The following HDAC5 variants were observed in gnomAD, a reference collection of about 807,000 sequenced individuals.
HDAC5 encodes histone deacetylase 5.
HDAC5 carries 25 observed loss-of-function variants against 133.3 expected under a neutral mutation model. The ratio of observed to expected loss-of-function variants is 0.19; its 90% CI spans 0.14 to 0.26. The LOEUF is 0.26. Among genes scored for constraint, HDAC5 ranks in the 10% least tolerant of loss-of-function variants. The probability of loss-of-function intolerance (pLI) is 1.00; values close to 1 mark genes in which losing one functional copy is unlikely to be tolerated. For synonymous variants in HDAC5, 589 were observed against 610.8 expected (o/e 0.96, Z 0.53); for missense variants, 1,041 against 1,460.5 (o/e 0.71, Z 4.68).
At chr17:44,088,720 A>C in intron 11 of HDAC5, 122 bp from the exon 12 acceptor site, 2 of 1,363,148 alleles carry the variant, frequency 1.5e-6, no homozygotes, top group Non-Finnish European at 1.9e-6. Flanking sequence ...CTCAGGAAAA[A>C]CCCTGGGGGA....
At chr17:44,119,012 C>T (rs1390689506) in intron 1 of HDAC5, among the ~76,000 whole-genome samples, 1 of 152,204 alleles carries the variant, frequency 6.6e-6, no homozygotes, top group Non-Finnish European at 1.5e-5. Flanking sequence ...ACACACGAGA[C>T]CCTGAGGTCC....
intron 3 of HDAC5, among the ~76,000 whole-genome samples, chr17:44,108,033 T>C (rs911454586): frequency 6.6e-6 from 1 of 151,682 alleles, no homozygotes; most frequent in African/African-American, 2.4e-5. Flanking sequence ...CATACTAGAG[T>C]TCAAACTCCC....
At chr17:44,086,994 G>A (rs1417584094) in intron 13 of HDAC5, among the ~76,000 whole-genome samples, 1 of 147,168 alleles carries the variant, frequency 6.8e-6, no homozygotes, top group Non-Finnish European at 1.5e-5. Context: ...GGCGGGGGCG[G>A]GGTGGGGGCG....
In HDAC5 at chr17:44,077,863, G is replaced by A. The variant is rs1002451371; in HGVS notation, c.*513C>T. The A allele has an allele frequency of 1.3e-5, 2 of 153,406 alleles. No homozygotes were observed. The highest frequency in any genetic ancestry group is 4.8e-5 in the African/African-American group (2 of 41,498). The allele number at this position is 153,406 out of a possible 1,614,324, so 9.5% of individuals were successfully genotyped here. ...ATGGTGAGGACGAAAGAAGGGGAAA[G>A]GGTGGAGAATCGCAGGGTGGGTGCC... is the stretch of plus-strand genomic sequence containing the variant. On this transcript the variant is annotated 3_prime_UTR_variant, in exon 27 of 27. Coordinates refer to ENST00000682912, the MANE Select transcript of HDAC5 (RefSeq NM_005474.5).
chr17:44,078,154 G>A lies in HDAC5; in HGVS notation c.*222C>T. 2.2e-6 allele frequency: 1 copy of A among 453,734 alleles called. No homozygotes were observed. The highest frequency in any genetic ancestry group is 3.9e-6 in the Non-Finnish European group (1 of 258,442). 28.1% of individuals were successfully genotyped at this position (453,734 alleles called of 1,614,324 possible). A position where few individuals can be genotyped will look rare whatever the true frequency, so the allele number is the denominator to read the frequency against. ...GGAAAATGGGGGGAGGGACACATGG[G>A]ACAGGGCTGGGAAGACACCACCACC... is the stretch of plus-strand genomic sequence containing the variant. On this transcript the variant is annotated 3_prime_UTR_variant, in exon 27 of 27. Coordinates refer to ENST00000682912, the MANE Select transcript of HDAC5 (RefSeq NM_005474.5).
At chr17:44,079,897 T>C (rs2050310463) in intron 23 of HDAC5, among the ~76,000 whole-genome samples, 1 of 152,074 alleles carries the variant, frequency 6.6e-6, no homozygotes, top group African/African-American at 2.4e-5. Context: ...ACATCCTCTA[T>C]CCTCTGCTAC....
intron 2 of HDAC5, among the ~76,000 whole-genome samples, chr17:44,115,138 T>G (rs1325809316): frequency 6.6e-6 from 1 of 152,294 alleles, no homozygotes; most frequent in East Asian, 1.9e-4. Context: ...AGCCTGTTGG[T>G]GATACTCAGT....
intron 11 of HDAC5, among the ~76,000 whole-genome samples, chr17:44,089,511 A>G (rs2050826579): frequency 6.6e-6 from 1 of 152,092 alleles, no homozygotes; most frequent in African/African-American, 2.4e-5. Context: ...TTGGGAGGCC[A>G]AGGCGGGTGG....
intron 1 of HDAC5, among the ~76,000 whole-genome samples, chr17:44,119,792 C>T (rs1420754818): frequency 2.0e-5 from 3 of 152,174 alleles, no homozygotes; most frequent in Non-Finnish European, 4.4e-5. Flanking sequence ...ATGTTTAAAA[C>T]CTGAGCTGTT....
rs144335990 is a variant in HDAC5 at position 44,108,793 on chromosome 17, C to T, written c.94+1936G>A. Among the ~76,000 whole-genome samples the T allele has an allele frequency of 4.6e-5, 7 of 150,942 alleles. No homozygotes were observed. The South Asian group carries it at 6.3e-4, about 14-fold the overall frequency. On this transcript the variant is annotated intron_variant, in intron 3 of 26. Coordinates refer to ENST00000682912, the MANE Select transcript of HDAC5 (RefSeq NM_005474.5). ...AAAAACAAAAAAAAAACAAGGCTGCCGAGCTCCAGGCCTATATCTGTCCCT... is the reference window on the plus strand; with the variant it reads ...AAAAACAAAAAAAAAACAAGGCTGCTGAGCTCCAGGCCTATATCTGTCCCT...
chr17:44,111,045 A>G, intron 2 of HDAC5: 1 of 533,962 alleles, frequency 1.9e-6, no homozygotes, highest in Non-Finnish European at 3.4e-6. Context: ...GGGAGGCCCT[A>G]GAGCTGCAGG....
intron 3 of HDAC5, among the ~76,000 whole-genome samples, chr17:44,102,594 C>A (rs1008497957): frequency 6.6e-6 from 1 of 151,624 alleles, no homozygotes; most frequent in African/African-American, 2.4e-5. Flanking sequence ...CTCTTGACCT[C>A]GTGATCCGCC....
At chr17:44,104,628 C>T (rs777839797) in intron 3 of HDAC5, among the ~76,000 whole-genome samples, 11 of 152,344 alleles carry the variant, frequency 7.2e-5, no homozygotes, top group Non-Finnish European at 1.5e-4. Flanking sequence ...TCACCTGCCT[C>T]GCTACCTCCA....
chr17:44,123,531 GGGC>G lies in HDAC5; in HGVS notation c.-220_-218del, dbSNP rs1420118035. The stretch of plus-strand genomic sequence containing the variant: ...GCTGCGGCTCGAGCTCCGGCTTCGC[GGGC>G]GGCGGCGGCAGCAGCGGCGGCGGCA... On this transcript the variant is annotated 5_prime_UTR_variant, in exon 1 of 27. Coordinates refer to ENST00000682912, the MANE Select transcript of HDAC5 (RefSeq NM_005474.5). 5 of 396,314 alleles carry G rather than the reference GGGC, an allele frequency of 1.3e-5. No individual in the cohort carries two copies. The highest frequency in any genetic ancestry group is 2.1e-5 in the African/African-American group (1 of 48,216). 24.5% of individuals were successfully genotyped at this position (396,314 alleles called of 1,614,324 possible).
rs74638280 is a variant in HDAC5 at position 44,083,304 on chromosome 17, T to C, written c.2463+241A>G. Among the ~76,000 whole-genome samples, 1,229 of 152,298 alleles carry C rather than the reference T, an allele frequency of 8.1e-3. 43 individuals carry two copies. Among genetic ancestry groups the C allele is most frequent in the Admixed American group, 0.062 (954 of 15,296 alleles). On this transcript the variant is annotated intron_variant, in intron 18 of 26. Transcript: ENST00000682912. ...CCATTTTGAATGCCAACCATGAGGCTTGAGCAGGCAGACACTATTTCTGCC... is the reference window on the plus strand; with the variant it reads ...CCATTTTGAATGCCAACCATGAGGCCTGAGCAGGCAGACACTATTTCTGCC...
Position 44,087,670 on chromosome 17 carries a change from G to A in HDAC5, c.1626C>T (p.Pro542=), listed in dbSNP as rs150650580. 149 of 1,604,900 alleles carry A rather than the reference G, an allele frequency of 9.3e-5. 1 individual carries two copies. In the African/African-American group the frequency reaches 1.8e-3, roughly 20 times the overall value. The part of the protein sequence containing the change: ...GKILTKTGEL[P]RQPTTHPEET... Reference sequence around the variant, plus strand: ...CCTCAGGGTGGGTGGTGGGCTGCCTGGGCAGCTCCCCTGTCTTGGTGAGGA... The same window carrying A: ...CCTCAGGGTGGGTGGTGGGCTGCCTAGGCAGCTCCCCTGTCTTGGTGAGGA... Residue 542 remains proline, a synonymous_variant, in exon 13 of 27, where the codon CCC becomes CCT. Coordinates refer to ENST00000682912, the MANE Select transcript of HDAC5 (RefSeq NM_005474.5).
intron 3 of HDAC5, among the ~76,000 whole-genome samples, chr17:44,099,039 C>T (rs2051430439): frequency 6.6e-6 from 1 of 152,102 alleles, no homozygotes; most frequent in Admixed American, 6.5e-5. Flanking sequence ...TCACTTGAAC[C>T]CGGGAGGCAG....
intron 3 of HDAC5, among the ~76,000 whole-genome samples, chr17:44,099,792 A>G (rs1042255667): frequency 3.3e-5 from 5 of 152,138 alleles, no homozygotes; most frequent in African/African-American, 4.8e-5. Context: ...GTGTGTTTCT[A>G]GCCATGCGAG....
At chr17:44,087,284 CT>C in intron 13 of HDAC5, 127 bp downstream of exon 13, 1 of 638,914 alleles carries the variant, frequency 1.6e-6, no homozygotes, top group Non-Finnish European at 2.9e-6. Flanking sequence ...CTTTTGCTCT[CT>C]ACAGAAAGCT....
Sources: gnomAD v4.1 joint callset for allele counts (sites outside exome capture counted in the v4.1 genomes callset) on GRCh38, gnomAD v4.1.1 for gene constraint, MANE v1.5 for transcripts, NCBI Gene and HGNC (gene_info 2026-07-23, HGNC 2026-07-21) for gene names.